Variants in SPMIP7 observed in about 807,000 individuals in gnomAD.
The protein encoded by SPMIP7 is sperm microtubule inner protein 7.
chr7:50,112,541 G>A, the SPMIP7 span, among the ~76,000 whole-genome samples: 3 of 152,116 alleles, frequency 2.0e-5, no homozygotes, highest in East Asian at 3.9e-4. Flanking sequence ...GATAAGCAAA[G>A]TAATGAATAA....
chr7:50,114,790 G>A, the SPMIP7 span, among the ~76,000 whole-genome samples: 1 of 152,152 alleles, frequency 6.6e-6, no homozygotes, highest in Non-Finnish European at 1.5e-5. Context: ...AGCACTTTGG[G>A]ACGCTGAGGA....
the SPMIP7 span, among the ~76,000 whole-genome samples, chr7:50,150,404 T>A: frequency 6.6e-6 from 1 of 152,172 alleles, no homozygotes; most frequent in Admixed American, 6.5e-5. Flanking sequence ...TGGGGGCAAG[T>A]TCATGATGGT....
chr7:50,132,012 A>G, the SPMIP7 span, among the ~76,000 whole-genome samples: 1 of 152,192 alleles, frequency 6.6e-6, no homozygotes, highest in African/African-American at 2.4e-5. Context: ...TCAAATTAAA[A>G]GTATACCCAT....
chr7:50,136,823 C>A, the SPMIP7 span, among the ~76,000 whole-genome samples: 1 of 152,184 alleles, frequency 6.6e-6, no homozygotes, highest in African/African-American at 2.4e-5. Context: ...GTAACACAAC[C>A]CACAACACAG....
chr7:50,158,937 G>A, the SPMIP7 span: 21 of 1,133,038 alleles, frequency 1.9e-5, no homozygotes, highest in Admixed American at 1.6e-4. Context: ...CCTGCAGTGC[G>A]CGCTCCCCTC....
chr7:50,148,129 T>C, the SPMIP7 span, among the ~76,000 whole-genome samples: 2 of 152,202 alleles, frequency 1.3e-5, no homozygotes, highest in Admixed American at 1.3e-4. Flanking sequence ...GATGGCAAAA[T>C]TCCCCTTGTT....
At chr7:50,157,187 G>A in the SPMIP7 span, among the ~76,000 whole-genome samples, 1 of 152,190 alleles carries the variant, frequency 6.6e-6, no homozygotes, top group Non-Finnish European at 1.5e-5. Context: ...ATGCCAAGGG[G>A]TCCATGGCCA....
chr7:50,102,871 A>C, the SPMIP7 span, among the ~76,000 whole-genome samples: 1 of 151,386 alleles, frequency 6.6e-6, no homozygotes, highest in Admixed American at 6.6e-5. Flanking sequence ...AACTCTGACA[A>C]TAGTCATTAA....
At chr7:50,134,083 A>T in the SPMIP7 span, 3 of 1,516,706 alleles carry the variant, frequency 2.0e-6, no homozygotes, top group African/African-American at 4.2e-5. Context: ...TTTTCATAAG[A>T]TGTTCCTATT....
At chr7:50,099,889 G>A in the SPMIP7 span, among the ~76,000 whole-genome samples, 2 of 152,088 alleles carry the variant, frequency 1.3e-5, no homozygotes, top group Admixed American at 1.3e-4. Context: ...TCCCCCAGGG[G>A]GTTAAACTAT....
the SPMIP7 span, among the ~76,000 whole-genome samples, chr7:50,140,873 T>A: frequency 6.6e-6 from 1 of 152,228 alleles, no homozygotes; most frequent in Non-Finnish European, 1.5e-5. Flanking sequence ...CGTGGCTTGT[T>A]GCCCAAGCTC....
the SPMIP7 span, among the ~76,000 whole-genome samples, chr7:50,130,902 G>T: frequency 1.3e-5 from 2 of 152,140 alleles, no homozygotes; most frequent in Non-Finnish European, 2.9e-5. Flanking sequence ...TAACAGTAGG[G>T]TAAGAGGAGG....
chr7:50,159,223 G>A, the SPMIP7 span: 7 of 1,533,286 alleles, frequency 4.6e-6, no homozygotes, highest in Admixed American at 4.1e-5. Context: ...AGGCTTGTGC[G>A]GCGGTGGGAA....
At chr7:50,142,386 A>G in the SPMIP7 span, 1 of 152,222 alleles carries the variant, frequency 6.6e-6, no homozygotes, top group African/African-American at 2.4e-5. Flanking sequence ...CTTAACTTCA[A>G]TAAATTTGGG....
the SPMIP7 span, among the ~76,000 whole-genome samples, chr7:50,145,612 G>GTATATATATATATATATATA: frequency 1.1e-4 from 4 of 36,898 alleles, 1 homozygote; most frequent in Admixed American, 3.4e-4. Context: ...GTGTGTATAT[G>GTATATATATATATATATATA]TGTGTGTATA....
the SPMIP7 span, among the ~76,000 whole-genome samples, chr7:50,145,612 G>GTATATATATATATATATA: frequency 3.5e-4 from 13 of 36,898 alleles, 1 homozygote; most frequent in Admixed American, 1.0e-3. Context: ...GTGTGTATAT[G>GTATATATATATATATATA]TGTGTGTATA....
the SPMIP7 span, among the ~76,000 whole-genome samples, chr7:50,136,655 T>C: frequency 6.6e-6 from 1 of 152,202 alleles, no homozygotes; most frequent in Non-Finnish European, 1.5e-5. Context: ...TTATTTTCAA[T>C]CAATTTTTGT....
At chr7:50,125,145 T>TACACACACAC in the SPMIP7 span, among the ~76,000 whole-genome samples, 1 of 54,798 alleles carries the variant, frequency 1.8e-5, no homozygotes, top group Non-Finnish European at 3.5e-5. Flanking sequence ...CACACACATA[T>TACACACACAC]ACACACATAT....
the SPMIP7 span, among the ~76,000 whole-genome samples, chr7:50,105,791 T>C: frequency 6.6e-6 from 1 of 152,310 alleles, no homozygotes; most frequent in East Asian, 1.9e-4. Context: ...GCAAGGGTAA[T>C]GAAAATTTTT....
Sources: gnomAD v4.1 joint callset for allele counts (sites outside exome capture counted in the v4.1 genomes callset) on GRCh38, gnomAD v4.1.1 for gene constraint, MANE v1.5 for transcripts, NCBI Gene and HGNC (gene_info 2026-07-23, HGNC 2026-07-21) for gene names.